Variants in NRXN1 observed in about 807,000 individuals in gnomAD.
The protein encoded by NRXN1 is neurexin 1, also known as neurexin-1.
In NRXN1, 39 loss-of-function variants were observed where a neutral mutation model predicts 150.9. The observed-to-expected ratio is 0.26, with a 90% confidence interval of 0.20 to 0.34. The LOEUF (loss-of-function observed/expected upper bound fraction) is 0.34, where lower values mean the gene tolerates loss of function less well. Among genes scored for constraint, NRXN1 ranks in the 10% least tolerant of loss-of-function variants. The pLI is 1.00. For missense variants in NRXN1, 1,815 were observed against 1,949.9 expected (o/e 0.93, Z 1.30); for synonymous variants, 924 against 757.0 (o/e 1.22, Z -3.62).
At chr2:50,392,363 T>C (rs745649875) in intron 17 of NRXN1, among the ~76,000 whole-genome samples, 15 of 152,122 alleles carry the variant, frequency 9.9e-5, no homozygotes, top group Non-Finnish European at 1.5e-4. Context: ...AGATTATCAC[T>C]ACAGGATGCA....
At chr2:50,925,432 A>C (rs939549080) in intron 3 of NRXN1, among the ~76,000 whole-genome samples, 2 of 151,860 alleles carry the variant, frequency 1.3e-5, no homozygotes, top group Non-Finnish European at 2.9e-5. Context: ...CCAATGGCTT[A>C]TTTTTTAATC....
chr2:50,474,839 CA>C (rs35572466), intron 15 of NRXN1, among the ~76,000 whole-genome samples: 6,948 of 108,680 alleles, frequency 0.064, 568 homozygotes, highest in African/African-American at 0.22. Context: ...GCCCCCCTAC[CA>C]AAAAAAAAAA....
At position 49,974,150 on chromosome 2, in the gene NRXN1, C is replaced by A. The variant is rs534080730; in HGVS notation, c.4129-30359G>T. 1.5e-5 allele frequency: 11 copies of A among 713,212 alleles called. 1 individual carries two copies. In the South Asian group the frequency reaches 1.6e-4, roughly 11 times the overall value. 44.2% of individuals were successfully genotyped at this position (713,212 alleles called of 1,614,324 possible). A position where few individuals can be genotyped will look rare whatever the true frequency, so the allele number is the denominator to read the frequency against. On this transcript the variant is annotated intron_variant, in intron 21 of 22. Coordinates refer to ENST00000401669, the MANE Select transcript of NRXN1 (RefSeq NM_001330078.2). Reference sequence around the variant, plus strand: ...TCAAGATGATAAATTGCCTGCGCATCAGCCCGGCCTATCAGTGCCCTGCAC... The same window carrying A: ...TCAAGATGATAAATTGCCTGCGCATAAGCCCGGCCTATCAGTGCCCTGCAC...
chr2:50,171,428 T>C (rs552012922), intron 18 of NRXN1, among the ~76,000 whole-genome samples: 2 of 151,056 alleles, frequency 1.3e-5, no homozygotes, highest in South Asian at 2.1e-4. Context: ...TTAGGCCCCA[T>C]TAATGAGCTA....
chr2:50,718,506 A>C (rs1696163214), intron 5 of NRXN1, among the ~76,000 whole-genome samples: 3 of 152,224 alleles, frequency 2.0e-5, no homozygotes, highest in Non-Finnish European at 1.5e-5. Context: ...ATCTGTTTAT[A>C]TCACACATAA....
Position 50,497,324 on chromosome 2 carries a change from T to C in NRXN1, c.2879+9A>G. On this transcript the variant is annotated intron_variant, in intron 14 of 22. Coordinates refer to ENST00000401669, the MANE Select transcript of NRXN1 (RefSeq NM_001330078.2). ...TTATTTATTTGCTATTGAACAGGCA[T>C]GTACTCACCCTTTAACTAATTCAAC... is the stretch of plus-strand genomic sequence containing the variant. The C allele has an allele frequency of 6.6e-7, 1 of 1,513,346 alleles. No homozygotes were observed. Among genetic ancestry groups the C allele is most frequent in the East Asian group, 2.3e-5 (1 of 44,154 alleles). 93.7% of individuals were successfully genotyped at this position (1,513,346 alleles called of 1,614,324 possible).
intron 5 of NRXN1, among the ~76,000 whole-genome samples, chr2:50,732,720 T>C (rs959802238): frequency 2.6e-5 from 4 of 152,176 alleles, no homozygotes; most frequent in African/African-American, 9.7e-5. Flanking sequence ...ATGCAACATA[T>C]ATTTTTGTAG....
rs72837080 is a variant in NRXN1, at chr2:50,792,532, C to A, written c.832+129337G>T. 4.8e-3 allele frequency among the ~76,000 whole-genome samples: 736 copies of A among 152,060 alleles called. 3 individuals are homozygous for A. Among genetic ancestry groups the A allele is most frequent in the Non-Finnish European group, 8.2e-3 (558 of 67,924 alleles). On this transcript the variant is annotated intron_variant, in intron 5 of 22. Transcript: ENST00000401669. ...CTAATATAATAGATGCATTTGTATC[C>A]TCTGTAATATAAAAATAGGAAGGGA...
chr2:50,904,328 ACT>A (rs566089656), intron 5 of NRXN1, among the ~76,000 whole-genome samples: 121 of 152,054 alleles, frequency 8.0e-4, no homozygotes, highest in Non-Finnish European at 1.4e-3. Flanking sequence ...TTGCAGCCCC[ACT>A]CTCTTTCTAC....
intron 15 of NRXN1, among the ~76,000 whole-genome samples, chr2:50,492,472 G>C (rs977974103): frequency 6.6e-6 from 1 of 152,142 alleles, no homozygotes; most frequent in African/African-American, 2.4e-5. Flanking sequence ...AGTTTTCAAA[G>C]TTCTACACTA....
intron 21 of NRXN1, among the ~76,000 whole-genome samples, chr2:50,038,173 C>T: frequency 6.6e-6 from 1 of 152,188 alleles, no homozygotes; most frequent in East Asian, 1.9e-4. Context: ...TAAAAAATCA[C>T]ATCAGTTGAC....
chr2:50,454,920 G>A (rs992660998), intron 17 of NRXN1, among the ~76,000 whole-genome samples: 1 of 152,172 alleles, frequency 6.6e-6, no homozygotes, highest in Admixed American at 6.5e-5. Flanking sequence ...TACTCTGGAT[G>A]AACTTGATGT....
At chr2:50,296,294 CA>C (rs1230217544) in intron 17 of NRXN1, among the ~76,000 whole-genome samples, 1 of 152,176 alleles carries the variant, frequency 6.6e-6, no homozygotes, top group African/African-American at 2.4e-5. Flanking sequence ...GTGAGAGAAG[CA>C]AATGCTTCAA....
intron 18 of NRXN1, among the ~76,000 whole-genome samples, chr2:50,142,735 T>C (rs1447173953): frequency 1.3e-5 from 2 of 151,942 alleles, no homozygotes; most frequent in Non-Finnish European, 2.9e-5. Flanking sequence ...TTTAGTTATA[T>C]AAGCATTTAA....
chr2:50,055,391 T>C (rs1417777878), intron 19 of NRXN1, among the ~76,000 whole-genome samples: 1 of 152,170 alleles, frequency 6.6e-6, no homozygotes, highest in Non-Finnish European at 1.5e-5. Context: ...ATGTTTCTTA[T>C]TAACTAGTTA....
At chr2:49,988,278 C>G (rs1353173413) in intron 21 of NRXN1, among the ~76,000 whole-genome samples, 1 of 151,050 alleles carries the variant, frequency 6.6e-6, no homozygotes, top group Non-Finnish European at 1.5e-5. Context: ...CTGCCATTAC[C>G]TTGGTAATCA....
rs2093096022 is a variant in NRXN1, at chr2:50,531,253, C to T, written c.2321G>A (p.Gly774Glu). ...ADTLRLELDA[G>E]RVKLTVNLDC... The stretch of plus-strand genomic sequence containing the variant: ...TAGATTGACCGTCAGTTTCACACGT[C>T]CTGCGTCTAGCTCCAGGCGGAGGGT... The change falls in exon 11 of 23, where the codon GGA (glycine) becomes GAA (glutamate). Residue 774 changes from glycine to glutamate, a missense_variant. This residue lies in a region of NRXN1 where 638 missense variants were observed against 652.6 expected (regional missense o/e 0.98). Coordinates refer to ENST00000401669, the MANE Select transcript of NRXN1 (RefSeq NM_001330078.2). 6.2e-7 allele frequency: 1 copy of T among 1,613,352 alleles called. No individual in the cohort carries two copies. The highest frequency in any genetic ancestry group is 1.3e-5 in the African/African-American group (1 of 75,024).
intron 5 of NRXN1, among the ~76,000 whole-genome samples, chr2:50,729,939 C>A (rs1431967076): frequency 6.6e-6 from 1 of 152,186 alleles, no homozygotes; most frequent in Non-Finnish European, 1.5e-5. Flanking sequence ...TCATTATCCA[C>A]AGGCTGCTTC....
At chr2:50,571,283 G>C (rs1051911305) in intron 8 of NRXN1, among the ~76,000 whole-genome samples, 1 of 152,168 alleles carries the variant, frequency 6.6e-6, no homozygotes, top group Non-Finnish European at 1.5e-5. Context: ...TGGTCATTCA[G>C]AACAACAGGT....
Sources: gnomAD v4.1 joint callset for allele counts (sites outside exome capture counted in the v4.1 genomes callset) on GRCh38, gnomAD v4.1.1 for gene constraint, gnomAD v4.1.1 regional missense constraint, MANE v1.5 for transcripts, NCBI Gene and HGNC (gene_info 2026-07-23, HGNC 2026-07-21) for gene names.